MPPED2: variants seen among roughly 807,000 people sequenced by gnomAD.
MPPED2 encodes the protein metallophosphoesterase domain containing 2, also known as metallophosphoesterase MPPED2.
A neutral mutation model predicts 33.0 loss-of-function variants in MPPED2; 5 were observed. The observed-to-expected ratio is 0.15, with a 90% confidence interval of 0.08 to 0.32. MPPED2 has a LOEUF of 0.32. MPPED2 is among the 10% of genes least tolerant of loss of function. MPPED2 has a pLI of 1.00. For synonymous variants in MPPED2, 136 were observed against 141.9 expected, an observed-to-expected ratio of 0.96 and a Z score of 0.29; for missense variants, 275 against 372.1, an observed-to-expected ratio of 0.74 and a Z score of 2.15.
chr11:30,448,950 G>A (rs777639259), intron 4 of MPPED2, among the ~76,000 whole-genome samples: 3 of 150,524 alleles, frequency 2.0e-5, no homozygotes, highest in Admixed American at 6.6e-5. Flanking sequence ...CACCACCCCC[G>A]GCCACTCCCC....
rs574055543 is a variant in MPPED2 at position 30,569,219 on chromosome 11, C to T, written c.128+11027G>A. On this transcript the variant is annotated intron_variant, in intron 2 of 6. Transcript: ENST00000358117. ...ACCGAGGGGCACAACGTGGAGCAAACAGACTCCCACGGGATTATTATTTCC... is the reference window on the plus strand; with the variant it reads ...ACCGAGGGGCACAACGTGGAGCAAATAGACTCCCACGGGATTATTATTTCC... Among the ~76,000 whole-genome samples the T allele has an allele frequency of 3.9e-5, 6 of 152,174 alleles. No homozygotes were observed. The South Asian group carries it at 1.2e-3, about 32-fold the overall frequency.
chr11:30,409,883 C>T (rs776516173), downstream of MPPED2, among the ~76,000 whole-genome samples: 3 of 152,126 alleles, frequency 2.0e-5, no homozygotes, highest in Non-Finnish European at 4.4e-5. Context: ...ATTACTCTGT[C>T]ATCAACGGTT....
At chr11:30,487,709 C>T (rs1313656787) in intron 4 of MPPED2, among the ~76,000 whole-genome samples, 1 of 152,068 alleles carries the variant, frequency 6.6e-6, no homozygotes, top group Non-Finnish European at 1.5e-5. Context: ...CTCCTGAGCT[C>T]AAGTGATCCT....
At chr11:30,578,414 T>C (rs550647314) in intron 2 of MPPED2, among the ~76,000 whole-genome samples, 1 of 152,166 alleles carries the variant, frequency 6.6e-6, no homozygotes, top group South Asian at 2.1e-4. Context: ...GCTGTCTAGG[T>C]TGCCCCATTT....
At chr11:30,497,575 G>A (rs185056886) in intron 3 of MPPED2, among the ~76,000 whole-genome samples, 5 of 152,254 alleles carry the variant, frequency 3.3e-5, no homozygotes, top group Admixed American at 1.3e-4. Context: ...ATGTGCCACC[G>A]CTCTTGCAGG....
At chr11:30,430,743 A>G (rs576993279) in intron 4 of MPPED2, among the ~76,000 whole-genome samples, 2 of 152,366 alleles carry the variant, frequency 1.3e-5, no homozygotes, top group Non-Finnish European at 2.9e-5. Context: ...TGATTGGAAT[A>G]TCCAGTAAAA....
Position 30,586,056 on chromosome 11 carries a change from G to T in MPPED2, c.-136C>A, listed in dbSNP as rs1318471407. On this transcript the variant is annotated 5_prime_UTR_variant, in exon 1 of 7. Coordinates refer to ENST00000358117, the MANE Select transcript of MPPED2 (RefSeq NM_001584.3). The surrounding 1 kb of genome is among the most constrained non-coding windows in gnomAD (Gnocchi z 4.8). ...GGGCGGATTACCTTTCCCGGGCTGC[G>T]CTCCGGATCCCGGGGATGCCTTCAG... 6.6e-6 allele frequency: 1 copy of T among 152,202 alleles called. No individual in the cohort carries two copies. Among genetic ancestry groups the T allele is most frequent in the Non-Finnish European group, 1.5e-5 (1 of 68,086 alleles). The allele number at this position is 152,202 out of a possible 1,614,324, so 9.4% of individuals were successfully genotyped here.
chr11:30,424,233 G>C (rs1371304388), intron 4 of MPPED2, among the ~76,000 whole-genome samples: 1 of 152,162 alleles, frequency 6.6e-6, no homozygotes, highest in Non-Finnish European at 1.5e-5. Flanking sequence ...ATAATAGGGG[G>C]TGAAGAGAGG....
At chr11:30,447,181 T>A (rs560807552) in intron 4 of MPPED2, among the ~76,000 whole-genome samples, 1 of 152,158 alleles carries the variant, frequency 6.6e-6, no homozygotes, top group Non-Finnish European at 1.5e-5. Context: ...GTCCTATCTG[T>A]ATGTGACAGA....
intron 4 of MPPED2, among the ~76,000 whole-genome samples, chr11:30,457,261 T>A (rs141452218): frequency 2.6e-5 from 4 of 152,210 alleles, no homozygotes; most frequent in African/African-American, 9.6e-5. Context: ...TGCCCTGGTC[T>A]GTGACAGGTT....
At chr11:30,522,387 T>TACACACACACACAC (rs60549510) in intron 3 of MPPED2, among the ~76,000 whole-genome samples, 2 of 146,282 alleles carry the variant, frequency 1.4e-5, no homozygotes, top group Non-Finnish European at 3.0e-5. Context: ...CAGGAAAACA[T>TACACACACACACAC]ACACACACAC....
chr11:30,486,047 G>T (rs1951730094), intron 4 of MPPED2, among the ~76,000 whole-genome samples: 2 of 152,206 alleles, frequency 1.3e-5, no homozygotes, highest in Admixed American at 1.3e-4. Context: ...AGTGGAAGGA[G>T]CAACCTCATC....
At chr11:30,487,192 A>G (rs902116570) in intron 4 of MPPED2, among the ~76,000 whole-genome samples, 3 of 152,210 alleles carry the variant, frequency 2.0e-5, no homozygotes, top group African/African-American at 7.2e-5. Context: ...TAATAGGAGA[A>G]AATGAAAGAA....
intron 4 of MPPED2, among the ~76,000 whole-genome samples, chr11:30,457,957 A>G (rs186724356): frequency 6.6e-6 from 1 of 152,322 alleles, no homozygotes; most frequent in African/African-American, 2.4e-5. Context: ...CTGCTGCCGT[A>G]CCAAATACTT....
chr11:30,576,917 T>A (rs1225572335), intron 2 of MPPED2, among the ~76,000 whole-genome samples: 1 of 152,016 alleles, frequency 6.6e-6, no homozygotes, highest in Non-Finnish European at 1.5e-5. Context: ...AAGCAGAGAT[T>A]CAAGCCAGTC....
intron 2 of MPPED2, among the ~76,000 whole-genome samples, chr11:30,548,407 A>G (rs968182258): frequency 4.6e-5 from 7 of 152,048 alleles, no homozygotes; most frequent in Non-Finnish European, 8.8e-5. Flanking sequence ...TTTTGTACAG[A>G]CAGGGACTTG....
intron 4 of MPPED2, among the ~76,000 whole-genome samples, chr11:30,434,932 A>C (rs998396960): frequency 2.0e-5 from 3 of 152,106 alleles, no homozygotes; most frequent in Non-Finnish European, 4.4e-5. Flanking sequence ...CATGCATCTG[A>C]CTGGTAAAGT....
In MPPED2 at chr11:30,527,885, C is replaced by T. The variant is rs1447772473; in HGVS notation, c.310+8109G>A. 2.6e-5 allele frequency among the ~76,000 whole-genome samples: 4 copies of T among 152,186 alleles called. No individual in the cohort carries two copies. In the East Asian group the frequency reaches 7.7e-4, roughly 29 times the overall value. On this transcript the variant is annotated intron_variant, in intron 3 of 6. Coordinates refer to ENST00000358117, the MANE Select transcript of MPPED2 (RefSeq NM_001584.3). Reference sequence around the variant, plus strand: ...AAGAGCTGTCACTGCACAGCATGCTCGGAAAATGTCACAGCAGCAAATAAC... The same window carrying T: ...AAGAGCTGTCACTGCACAGCATGCTTGGAAAATGTCACAGCAGCAAATAAC...
intron 6 of MPPED2, among the ~76,000 whole-genome samples, chr11:30,400,911 G>A (rs1057350275): frequency 2.6e-5 from 4 of 152,004 alleles, no homozygotes; most frequent in Non-Finnish European, 4.4e-5. Context: ...GGGACTACAG[G>A]TGCATGCCAC....
Sources: allele counts gnomAD v4.1 joint callset (sites outside exome capture counted in the v4.1 genomes callset), GRCh38; gene constraint gnomAD v4.1.1; non-coding constraint Gnocchi (gnomAD v3.1); transcripts MANE v1.5; gene names NCBI Gene and HGNC (gene_info 2026-07-23, HGNC 2026-07-21).